The following UTY variants were observed in gnomAD, a reference collection of about 807,000 sequenced individuals.
UTY encodes the protein ubiquitously transcribed tetratricopeptide repeat containing, Y-linked.
A neutral mutation model predicts 32.5 loss-of-function variants in UTY; 12 were observed. That is an observed-to-expected ratio of 0.37 (90% confidence interval 0.24 to 0.60). The LOEUF is 0.60. Ranked by LOEUF, UTY falls within the 20% of genes least tolerant of loss-of-function variation. UTY has a pLI of 0.69. For synonymous variants in UTY, 131 were observed against 103.4 expected (o/e 1.27, Z -1.62); for missense variants, 303 against 299.2 (o/e 1.01, Z -0.09).
chrY:13,369,232 T>C (rs944108180), intron 9 of UTY, 24 bp downstream of exon 9: 1 of 312,177 alleles, frequency 3.2e-6, no homozygotes, highest in Non-Finnish European at 4.5e-6. Context: ...ATTAATGTAA[T>C]GTATAATAAA....
chrY:13,302,189 T>C, intron 25 of UTY, among the ~76,000 whole-genome samples: 1 of 33,323 alleles, frequency 3.0e-5, no homozygotes, highest in African/African-American at 1.2e-4. Flanking sequence ...AATTCTGTGA[T>C]TCCTTTGTTA....
At chrY:13,235,249 T>TG (rs2053839764) in intron 28 of UTY, among the ~76,000 whole-genome samples, 1 of 33,335 alleles carries the variant, frequency 3.0e-5, no homozygotes, top group East Asian at 8.1e-4. Context: ...TCCAAGCCTG[T>TG]GGGGGAGGGA....
intron 8 of UTY, among the ~76,000 whole-genome samples, chrY:13,388,538 T>C: frequency 1.5e-4 from 5 of 33,867 alleles, no homozygotes; most frequent in African/African-American, 2.3e-4. Flanking sequence ...CTGGATTATA[T>C]GGTAGCTCTA....
At chrY:13,305,924 A>AAG in intron 23 of UTY, 114 bp downstream of exon 23, 1 of 223,923 alleles carries the variant, frequency 4.5e-6, no homozygotes, top group Non-Finnish European at 7.2e-6. Flanking sequence ...ACAAGAAACA[A>AAG]AGAGAGAGAG....
At chrY:13,296,322 T>G in intron 27 of UTY, among the ~76,000 whole-genome samples, 1 of 33,604 alleles carries the variant, frequency 3.0e-5, no homozygotes, top group African/African-American at 1.2e-4. Context: ...TTCTCCCCAG[T>G]CTCCAGGATT....
intron 27 of UTY, among the ~76,000 whole-genome samples, chrY:13,289,085 G>C: frequency 3.0e-5 from 1 of 33,804 alleles, no homozygotes. Context: ...TTTGCTACCT[G>C]TACTTCTTTA....
chrY:13,446,254 A>C, intron 4 of UTY, among the ~76,000 whole-genome samples: 3 of 31,889 alleles, frequency 9.4e-5, no homozygotes, highest in Non-Finnish European at 2.3e-4. Context: ...TAATCTCTAC[A>C]CCAAACCCCT....
At chrY:13,376,175 T>G (rs2065373489) in intron 8 of UTY, among the ~76,000 whole-genome samples, 1 of 33,512 alleles carries the variant, frequency 3.0e-5, no homozygotes, top group Non-Finnish European at 7.4e-5. Context: ...TACAAGTTTC[T>G]TGTATCATTC....
intron 21 of UTY, among the ~76,000 whole-genome samples, chrY:13,310,330 G>A (rs2058964804): frequency 6.2e-5 from 2 of 32,315 alleles, no homozygotes; most frequent in African/African-American, 2.4e-4. Context: ...AAATAGTAAC[G>A]CAAAAATAAT....
intron 5 of UTY, among the ~76,000 whole-genome samples, chrY:13,413,594 C>A: frequency 2.9e-5 from 1 of 34,867 alleles, no homozygotes; most frequent in East Asian, 7.6e-4. Context: ...AACTGTAACA[C>A]CCCCTTTGGG....
intron 27 of UTY, among the ~76,000 whole-genome samples, chrY:13,291,451 A>G (rs2057750635): frequency 3.0e-5 from 1 of 33,455 alleles, no homozygotes; most frequent in Non-Finnish European, 7.4e-5. Flanking sequence ...CTGCCAACCA[A>G]TGCAGGAACA....
intron 27 of UTY, among the ~76,000 whole-genome samples, chrY:13,276,614 C>T: frequency 3.1e-5 from 1 of 32,119 alleles, no homozygotes; most frequent in African/African-American, 1.2e-4. Flanking sequence ...CTACTCTACT[C>T]GGGAGGCTGA....
chrY:13,414,827 C>T (rs1366115172), intron 4 of UTY, 34 bp from the exon 5 acceptor site: 1 of 309,865 alleles, frequency 3.2e-6, no homozygotes, highest in Non-Finnish European at 4.6e-6. Flanking sequence ...ACCTTTATAA[C>T]AGATTTTATA....
chrY:13,422,392 A>G, intron 4 of UTY, among the ~76,000 whole-genome samples: 3 of 33,548 alleles, frequency 8.9e-5, no homozygotes, highest in Admixed American at 5.5e-4. Flanking sequence ...GAAACTGAGC[A>G]TAAGTAGAAG....
chrY:13,468,642 T>C (rs2078143527), intron 3 of UTY, among the ~76,000 whole-genome samples: 1 of 31,984 alleles, frequency 3.1e-5, no homozygotes, highest in East Asian at 8.0e-4. Context: ...ATGGCGCCAG[T>C]GCACTCCAGC....
intron 29 of UTY, among the ~76,000 whole-genome samples, 176 bp downstream of exon 29, chrY:13,250,841 T>A (rs2054088192): frequency 2.9e-5 from 1 of 34,269 alleles, no homozygotes; most frequent in Non-Finnish European, 7.3e-5. Flanking sequence ...AACAGTTTCA[T>A]ATAGAAAAAC....
chrY:13,266,054 C>T, intron 27 of UTY, among the ~76,000 whole-genome samples: 1 of 32,504 alleles, frequency 3.1e-5, no homozygotes, highest in Non-Finnish European at 7.6e-5. Context: ...GTATGTTGGC[C>T]GGGCGCGGTG....
chrY:13,407,944 C>T, intron 6 of UTY, among the ~76,000 whole-genome samples: 1 of 33,061 alleles, frequency 3.0e-5, no homozygotes. Context: ...AACTCATGAA[C>T]TGTAATGAAC....
In UTY at chrY:13,273,018, T is replaced by G. The variant is rs531272004; in HGVS notation, c.4011-12614A>C. Among the ~76,000 whole-genome samples the G allele has an allele frequency of 6.7e-3, 228 of 34,041 alleles. No homozygotes were observed. The Middle Eastern group carries it at 0.23, about 34-fold the overall frequency. 91.3% of individuals were successfully genotyped at this position (34,041 alleles called of 37,273 possible). Reference sequence around the variant, plus strand: ...AATACATAATTATTTGGGGGATCACTAAGGATGGATTTTTAAAACTATGTA... The same window carrying G: ...AATACATAATTATTTGGGGGATCACGAAGGATGGATTTTTAAAACTATGTA... On this transcript the variant is annotated intron_variant, in intron 27 of 29. Transcript: ENST00000545955.
Sources: allele counts gnomAD v4.1 joint callset (sites outside exome capture counted in the v4.1 genomes callset), GRCh38; gene constraint gnomAD v4.1.1; transcripts MANE v1.5; gene names NCBI Gene and HGNC (gene_info 2026-07-23, HGNC 2026-07-21).